The following GALNT17 variants were observed in gnomAD, a reference collection of about 807,000 sequenced individuals.
GALNT17 encodes the protein polypeptide N-acetylgalactosaminyltransferase 17.
Under a neutral mutation model 63.7 loss-of-function variants are expected in GALNT17, and 29 were observed. The ratio of observed to expected loss-of-function variants is 0.46; its 90% CI spans 0.34 to 0.62. GALNT17 has a LOEUF of 0.62. Among genes scored for constraint, GALNT17 ranks in the 20% least tolerant of loss-of-function variants. The probability of loss-of-function intolerance (pLI) is 0.01; values close to 1 mark genes in which losing one functional copy is unlikely to be tolerated. For missense variants in GALNT17, 603 were observed against 799.6 expected (o/e 0.75, Z 2.97); for synonymous variants, 305 against 318.3 (o/e 0.96, Z 0.45).
At chr7:71,664,538 G>C (rs111476465) in intron 6 of GALNT17, among the ~76,000 whole-genome samples, 3,359 of 152,288 alleles carry the variant, frequency 0.022, 51 homozygotes, top group African/African-American at 0.049. Context: ...TTGAAGCCAG[G>C]AGTTCAAAGT....
At chr7:71,364,279 T>A (rs2707425) in intron 2 of GALNT17, among the ~76,000 whole-genome samples, 101,084 of 152,042 alleles carry the variant, frequency 0.66, 34,200 homozygotes, top group East Asian at 0.96. Context: ...AGATTTGGTG[T>A]TCTGCCTTCC....
intron 2 of GALNT17, among the ~76,000 whole-genome samples, chr7:71,371,249 G>A: frequency 6.6e-6 from 1 of 152,070 alleles, no homozygotes; most frequent in Admixed American, 6.6e-5. Flanking sequence ...GCCATGAATT[G>A]ATCTAAATCG....
At chr7:71,214,288 G>T (rs1485694450) in intron 1 of GALNT17, among the ~76,000 whole-genome samples, 2 of 152,204 alleles carry the variant, frequency 1.3e-5, no homozygotes, top group African/African-American at 4.8e-5. Flanking sequence ...TTTTCTGGAC[G>T]AAGAGTACCT....
At chr7:71,657,818 G>A (rs1414349103) in intron 6 of GALNT17, among the ~76,000 whole-genome samples, 2 of 151,880 alleles carry the variant, frequency 1.3e-5, no homozygotes, top group South Asian at 4.2e-4. Flanking sequence ...GGCTGGGGTG[G>A]GATCCAGGTG....
intron 3 of GALNT17, among the ~76,000 whole-genome samples, chr7:71,395,120 G>A (rs1279602460): frequency 6.6e-6 from 1 of 151,924 alleles, no homozygotes; most frequent in African/African-American, 2.4e-5. Context: ...AAAAAATAAA[G>A]TATACAATTC....
At chr7:71,222,487 T>G (rs1789605023) in intron 1 of GALNT17, among the ~76,000 whole-genome samples, 1 of 151,962 alleles carries the variant, frequency 6.6e-6, no homozygotes, top group African/African-American at 2.4e-5. Context: ...AGACAAGGTT[T>G]CTCCATGTTG....
chr7:71,666,835 G>T (rs1341505237), intron 7 of GALNT17, among the ~76,000 whole-genome samples: 2 of 152,030 alleles, frequency 1.3e-5, no homozygotes, highest in South Asian at 4.2e-4. Flanking sequence ...TTCTTACTGG[G>T]CTTTTAAAAA....
intron 5 of GALNT17, among the ~76,000 whole-genome samples, chr7:71,444,259 C>T (rs1787119786): frequency 6.6e-6 from 1 of 152,198 alleles, no homozygotes; most frequent in Admixed American, 6.5e-5. Flanking sequence ...CCCTACCCAT[C>T]CCAGCCCCAG....
chr7:71,401,316 C>G (rs898964743), intron 3 of GALNT17, among the ~76,000 whole-genome samples: 2 of 152,072 alleles, frequency 1.3e-5, no homozygotes, highest in Non-Finnish European at 2.9e-5. Flanking sequence ...AGGCTGGTCT[C>G]GAACTTCTGA....
intron 1 of GALNT17, among the ~76,000 whole-genome samples, chr7:71,209,754 A>G (rs1331085717): frequency 6.6e-6 from 1 of 152,142 alleles, no homozygotes; most frequent in Non-Finnish European, 1.5e-5. Context: ...GAGACTGGGA[A>G]GAAAAAGAGG....
intron 6 of GALNT17, among the ~76,000 whole-genome samples, chr7:71,648,434 A>G (rs1345158002): frequency 6.6e-6 from 1 of 151,922 alleles, no homozygotes; most frequent in Non-Finnish European, 1.5e-5. Context: ...CCATGCCCAG[A>G]TAACGTTTTT....
chr7:71,171,653 A>T (rs1263110550), intron 1 of GALNT17, among the ~76,000 whole-genome samples: 1 of 152,218 alleles, frequency 6.6e-6, no homozygotes, highest in Non-Finnish European at 1.5e-5. Context: ...TTTACAGAAG[A>T]TTCTGGGATG....
Position 71,652,677 on chromosome 7 carries a change from G to T in GALNT17, c.1081-12734G>T, listed in dbSNP as rs377737966. ...ATGGTGTTATTTACGTAATTTATGC[G>T]TTAAATTTCCTCCAGTGTTGCTTTT... On this transcript the variant is annotated intron_variant, in intron 6 of 10. Transcript: ENST00000333538. Among the ~76,000 whole-genome samples, 119 of 152,304 alleles carry T rather than the reference G, an allele frequency of 7.8e-4. 1 individual carries two copies. The highest frequency in any genetic ancestry group is 2.7e-3 in the African/African-American group (114 of 41,570).
At chr7:71,230,354 G>A (rs188565181) in intron 1 of GALNT17, among the ~76,000 whole-genome samples, 181 of 152,282 alleles carry the variant, frequency 1.2e-3, no homozygotes, top group African/African-American at 3.9e-3. Context: ...AGAAGCTAAA[G>A]GTCAAGGCCC....
intron 1 of GALNT17, among the ~76,000 whole-genome samples, chr7:71,276,796 G>A (rs1475139285): frequency 6.6e-6 from 1 of 152,072 alleles, no homozygotes; most frequent in Non-Finnish European, 1.5e-5. Flanking sequence ...TCAGGAGTTT[G>A]AGACCAGCCT....
At chr7:71,318,375 G>A (rs1791538524) in intron 1 of GALNT17, among the ~76,000 whole-genome samples, 1 of 151,326 alleles carries the variant, frequency 6.6e-6, no homozygotes. Flanking sequence ...AAGAAGAGCA[G>A]CTGAGGCATT....
intron 3 of GALNT17, among the ~76,000 whole-genome samples, chr7:71,409,373 G>T (rs192197905): frequency 6.6e-6 from 1 of 152,196 alleles, no homozygotes; most frequent in Non-Finnish European, 1.5e-5. Flanking sequence ...TTTGAAGCTT[G>T]TAAGAAATAC....
At chr7:71,358,575 C>G (rs932120995) in intron 2 of GALNT17, among the ~76,000 whole-genome samples, 1 of 152,084 alleles carries the variant, frequency 6.6e-6, no homozygotes, top group South Asian at 2.1e-4. Flanking sequence ...ATTTTCCTTG[C>G]GCTCTGTATG....
At chr7:71,683,612 C>A (rs1791303279) in intron 9 of GALNT17, among the ~76,000 whole-genome samples, 1 of 152,164 alleles carries the variant, frequency 6.6e-6, no homozygotes, top group Non-Finnish European at 1.5e-5. Context: ...ACTCAGAGAG[C>A]CTTGCTTGCT....
Sources: allele counts gnomAD v4.1 joint callset (sites outside exome capture counted in the v4.1 genomes callset), GRCh38; gene constraint gnomAD v4.1.1; transcripts MANE v1.5; gene names NCBI Gene and HGNC (gene_info 2026-07-23, HGNC 2026-07-21).